PRP4K: variants seen among roughly 807,000 people sequenced by gnomAD.
PRP4K encodes pre-mRNA processing factor kinase PRP4K, also known as serine/threonine-protein kinase PRP4 homolog.
chr6:4,038,367 A>C, the PRP4K span, among the ~76,000 whole-genome samples: 4,457 of 151,358 alleles, frequency 0.029, 232 homozygotes, highest in Admixed American at 0.13. Flanking sequence ...TCTCACTGCA[A>C]CCTCCACCTC....
At chr6:4,036,616 G>A in the PRP4K span, among the ~76,000 whole-genome samples, 3 of 151,976 alleles carry the variant, frequency 2.0e-5, no homozygotes, top group Non-Finnish European at 4.4e-5. Flanking sequence ...ATGGGCTCAG[G>A]CGGTCCTCCC....
the PRP4K span, among the ~76,000 whole-genome samples, chr6:4,042,133 A>G: frequency 3.9e-5 from 6 of 152,224 alleles, no homozygotes; most frequent in Non-Finnish European, 8.8e-5. Context: ...GTAGCAATTT[A>G]CTTATCTTAC....
the PRP4K span, among the ~76,000 whole-genome samples, chr6:4,033,813 G>A: frequency 6.6e-6 from 1 of 152,002 alleles, no homozygotes; most frequent in East Asian, 1.9e-4. Flanking sequence ...TTACTTCTGA[G>A]TGGCACTGTA....
the PRP4K span, chr6:4,032,778 A>C: frequency 6.5e-7 from 1 of 1,530,438 alleles, no homozygotes; most frequent in Non-Finnish European, 8.7e-7. Flanking sequence ...CAAAATGTTA[A>C]AGCTTTTTAC....
At chr6:4,047,111 T>G in the PRP4K span, 1 of 1,378,890 alleles carries the variant, frequency 7.3e-7, no homozygotes, top group Non-Finnish European at 1.0e-6. Flanking sequence ...GACTTCCCAT[T>G]CACTTATTTT....
At chr6:4,064,288 A>T in the PRP4K span, 10 of 152,522 alleles carry the variant, frequency 6.6e-5, no homozygotes, top group African/African-American at 2.4e-4. Flanking sequence ...ATATTTATGT[A>T]CTGTTTTATG....
At chr6:4,056,750 G>A in the PRP4K span, 2 of 1,489,342 alleles carry the variant, frequency 1.3e-6, no homozygotes, top group South Asian at 2.3e-5. Context: ...CCTTGGTTGA[G>A]GCTGATTAGC....
the PRP4K span, chr6:4,052,680 A>G: frequency 6.9e-7 from 1 of 1,442,890 alleles, no homozygotes; most frequent in Non-Finnish European, 9.3e-7. Flanking sequence ...TTGCATTTTA[A>G]CTCCTATTTT....
At chr6:4,035,531 A>C in the PRP4K span, among the ~76,000 whole-genome samples, 1 of 152,044 alleles carries the variant, frequency 6.6e-6, no homozygotes, top group Non-Finnish European at 1.5e-5. Flanking sequence ...TGGCCCTATC[A>C]AGAAGTAAGC....
At chr6:4,034,358 A>G in the PRP4K span, among the ~76,000 whole-genome samples, 1 of 152,172 alleles carries the variant, frequency 6.6e-6, no homozygotes, top group Admixed American at 6.5e-5. Flanking sequence ...GTTTTTCACT[A>G]TTATATGCGA....
At chr6:4,032,430 A>G in the PRP4K span, 12 of 1,614,192 alleles carry the variant, frequency 7.4e-6, no homozygotes, top group South Asian at 8.8e-5. Flanking sequence ...ATCCAAAGAC[A>G]GAAGGTCACG....
At chr6:4,045,122 G>A in the PRP4K span, among the ~76,000 whole-genome samples, 1 of 152,078 alleles carries the variant, frequency 6.6e-6, no homozygotes, top group Non-Finnish European at 1.5e-5. Context: ...GCCTCCCAAA[G>A]TGCTGGGATT....
At chr6:4,052,835 A>C in the PRP4K span, 1 of 1,613,200 alleles carries the variant, frequency 6.2e-7, no homozygotes, top group Non-Finnish European at 8.5e-7. Context: ...TAAAAGATGC[A>C]ATATCCTACA....
At chr6:4,048,552 T>C in the PRP4K span, among the ~76,000 whole-genome samples, 1 of 152,222 alleles carries the variant, frequency 6.6e-6, no homozygotes, top group African/African-American at 2.4e-5. Context: ...TTTTGAGTTA[T>C]TTTCTTTTTT....
chr6:4,048,562 T>C, the PRP4K span, among the ~76,000 whole-genome samples: 1 of 152,100 alleles, frequency 6.6e-6, no homozygotes, highest in Non-Finnish European at 1.5e-5. Context: ...TTTTCTTTTT[T>C]TTCTCTTTTG....
chr6:4,040,817 A>G, the PRP4K span: 1 of 1,614,126 alleles, frequency 6.2e-7, no homozygotes, highest in Non-Finnish European at 8.5e-7. Flanking sequence ...GGCGGTCTCG[A>G]TCACGCGGTG....
chr6:4,057,953 T>G, the PRP4K span, among the ~76,000 whole-genome samples: 7 of 152,140 alleles, frequency 4.6e-5, no homozygotes, highest in African/African-American at 1.2e-4. Context: ...TTTGCTGAAT[T>G]TCTAAAGATT....
At chr6:4,025,272 G>A in the PRP4K span, among the ~76,000 whole-genome samples, 4 of 152,142 alleles carry the variant, frequency 2.6e-5, no homozygotes, top group Admixed American at 1.3e-4. Flanking sequence ...AGGGCCGTTA[G>A]GTTTCTTAAC....
At chr6:4,058,877 G>T in the PRP4K span, 1 of 1,271,510 alleles carries the variant, frequency 7.9e-7, no homozygotes, top group South Asian at 1.4e-5. Context: ...TAAATCATAC[G>T]AGCTGGTGAA....
Sources: allele counts gnomAD v4.1 joint callset (sites outside exome capture counted in the v4.1 genomes callset), GRCh38; gene constraint gnomAD v4.1.1; transcripts MANE v1.5; gene names NCBI Gene and HGNC (gene_info 2026-07-23, HGNC 2026-07-21).